The following CDAN1 variants were observed in gnomAD, a reference collection of about 807,000 sequenced individuals.
CDAN1 encodes codanin 1, also known as codanin-1.
Under a neutral mutation model 139.8 loss-of-function variants are expected in CDAN1, and 107 were observed. The ratio of observed to expected loss-of-function variants is 0.77; its 90% CI spans 0.65 to 0.90. The LOEUF (loss-of-function observed/expected upper bound fraction) is 0.90. Ranked by LOEUF, CDAN1 falls within the 40% of genes least tolerant of loss-of-function variation. CDAN1 has a pLI of 0.00. For synonymous variants in CDAN1, 776 were observed against 660.6 expected, an observed-to-expected ratio of 1.17 and a Z score of -2.68; for missense variants, 1,667 against 1,575.7, an observed-to-expected ratio of 1.06 and a Z score of -0.98.
Position 42,726,436 on chromosome 15 carries a change from G to T in CDAN1, c.3097-19C>A. 2 of 1,550,638 alleles carry T rather than the reference G, an allele frequency of 1.3e-6. No homozygotes were observed. Among genetic ancestry groups the T allele is most frequent in the Non-Finnish European group, 1.8e-6 (2 of 1,138,572 alleles). On this transcript the variant is annotated intron_variant, in intron 23 of 27. Coordinates refer to ENST00000356231, the MANE Select transcript of CDAN1 (RefSeq NM_138477.4). ...GCACGTCCTGTGAAGAGCAGGGGGAGATATCACCTTGCGCTGGGGGCCAGG... is the reference window on the plus strand; with the variant it reads ...GCACGTCCTGTGAAGAGCAGGGGGATATATCACCTTGCGCTGGGGGCCAGG...
intron 8 of CDAN1, among the ~76,000 whole-genome samples, 185 bp downstream of exon 8, chr15:42,733,753 C>T (rs1477253321): frequency 1.3e-5 from 2 of 152,188 alleles, no homozygotes; most frequent in East Asian, 1.9e-4. Flanking sequence ...TGCTAAGCGC[C>T]GGGGTTCACA....
intron 13 of CDAN1, 26 bp from the exon 14 acceptor site, chr15:42,730,790 G>A (rs1226706999): frequency 6.2e-7 from 1 of 1,612,576 alleles, no homozygotes; most frequent in Non-Finnish European, 8.5e-7. Flanking sequence ...CTCAGTCAGG[G>A]GGCAGGTCCC....
At position 42,725,197 on chromosome 15, in the gene CDAN1, G is replaced by T; in HGVS notation, c.3505C>A (p.Arg1169=). ...RELVEKGLMG[R]MEIEACLGSL... is the part of the protein sequence containing the mutation. The stretch of plus-strand genomic sequence containing the variant: ...CCCAGGCAGGCCTCTATCTCCATCC[G>T]TCCCATCAGACCCTTCTCCACCAGC... The change falls in exon 27 of 28, where the codon CGG becomes AGG. Residue 1169 remains arginine, a synonymous_variant. Transcript: ENST00000356231. The T allele has an allele frequency of 6.2e-7, 1 of 1,614,168 alleles. No individual in the cohort carries two copies. The highest frequency in any genetic ancestry group is 8.5e-7 in the Non-Finnish European group (1 of 1,180,040).
chr15:42,731,196 G>T lies in CDAN1; in HGVS notation c.1860+15C>A. The stretch of plus-strand genomic sequence containing the variant: ...TGGGTCAGACCCCATTATTTCCCTT[G>T]TTCTGTTTTCGGACCTGCCAGTCTA... On this transcript the variant is annotated intron_variant, in intron 12 of 27. Transcript: ENST00000356231. 1 of 1,614,126 alleles carries T rather than the reference G, an allele frequency of 6.2e-7. No homozygotes were observed. Among genetic ancestry groups the T allele is most frequent in the South Asian group, 1.1e-5 (1 of 91,088 alleles).
Position 42,726,135 on chromosome 15 carries a change from T to C in CDAN1, c.3230A>G (p.His1077Arg), listed in dbSNP as rs1370611246. ...RQFLCPPAEQ[H>R]LAKCSVELAS... The stretch of plus-strand genomic sequence containing the variant: ...TAACTCCACAGAGCACTTTGCCAGA[T>C]GCTGCTCAGCAGGTGGGCACAGGAA... The change falls in exon 25 of 28, where the codon CAT becomes CGT. Residue 1077 changes from histidine (H) to arginine (R), a missense_variant. His to Arg is a conservative substitution (Grantham distance 29). This residue lies in a region of CDAN1 where 936 missense variants were observed against 844.1 expected (regional missense o/e 1.11). Coordinates refer to ENST00000356231, the MANE Select transcript of CDAN1 (RefSeq NM_138477.4). 2.5e-6 allele frequency: 4 copies of C among 1,614,060 alleles called. No individual in the cohort carries two copies. The highest frequency in any genetic ancestry group is 2.7e-5 in the African/African-American group (2 of 74,994).
intron 25 of CDAN1, 57 bp from the exon 26 acceptor site, chr15:42,725,727 T>C: frequency 6.4e-7 from 1 of 1,565,266 alleles, no homozygotes; most frequent in Non-Finnish European, 8.8e-7. Context: ...GTGCGGTGAC[T>C]CACACCTATA....
At position 42,727,899 on chromosome 15, in the gene CDAN1, C is replaced by G. The variant is rs948078215; in HGVS notation, c.2947+56G>C. 2.9e-5 allele frequency: 46 copies of G among 1,602,278 alleles called. 1 individual carries two copies. In the South Asian group the frequency reaches 5.0e-4, roughly 17 times the overall value. ...TCGCCCACAAGATGCCTCTGACTCTCTGCCAGTCCACTTTTTAAACACTTG... is the reference window on the plus strand; with the variant it reads ...TCGCCCACAAGATGCCTCTGACTCTGTGCCAGTCCACTTTTTAAACACTTG... On this transcript the variant is annotated intron_variant, in intron 22 of 27. Coordinates refer to ENST00000356231, the MANE Select transcript of CDAN1 (RefSeq NM_138477.4).
chr15:42,727,353 T>C (rs1327105426), intron 23 of CDAN1: 1 of 416,416 alleles, frequency 2.4e-6, no homozygotes, highest in Non-Finnish European at 4.3e-6. Context: ...CTCATCACCA[T>C]CTGCATAATA....
chr15:42,725,100 T>C, intron 27 of CDAN1, 44 bp downstream of exon 27: 1 of 1,495,318 alleles, frequency 6.7e-7, no homozygotes, highest in Non-Finnish European at 9.3e-7. Context: ...ATGGGATATG[T>C]AACACCTGTT....
chr15:42,736,032 G>A lies in CDAN1; in HGVS notation c.616C>T (p.Arg206Trp), dbSNP rs985588647. 3.1e-6 allele frequency: 5 copies of A among 1,614,152 alleles called. No individual in the cohort carries two copies. Among genetic ancestry groups the A allele is most frequent in the Non-Finnish European group, 4.2e-6 (5 of 1,180,022 alleles). Reference protein sequence around the residue: ...RINPTPVSEERSLSKPKTCFT... With the variant: ...RINPTPVSEEWSLSKPKTCFT... ...CAGGTCTTGGGCTTGGAGAGTGACCGCTCTTCGCTCACCGGAGTTGGGTTG... is the reference window on the plus strand; with the variant it reads ...CAGGTCTTGGGCTTGGAGAGTGACCACTCTTCGCTCACCGGAGTTGGGTTG... Residue 206 changes from arginine to tryptophan, a missense_variant, in exon 3 of 28, where the codon CGG becomes TGG. By Grantham distance (101) the Arg-to-Trp change is moderately radical. Transcript: ENST00000356231.
intron 8 of CDAN1, among the ~76,000 whole-genome samples, 179 bp from the exon 9 acceptor site, chr15:42,733,365 C>T (rs1468918899): frequency 1.3e-5 from 2 of 152,098 alleles, no homozygotes; most frequent in Non-Finnish European, 2.9e-5. Context: ...ACCTCCGCCC[C>T]GCCTGGGTTC....
At chr15:42,731,392 G>T in intron 11 of CDAN1, 61 bp from the exon 12 acceptor site, 1 of 1,607,034 alleles carries the variant, frequency 6.2e-7, no homozygotes, top group Non-Finnish European at 8.5e-7. Context: ...AGCCAGAATC[G>T]AGAAGGGGCA....
At chr15:42,733,000 G>A (rs558854445) in intron 9 of CDAN1, 97 bp downstream of exon 9, 5 of 924,748 alleles carry the variant, frequency 5.4e-6, no homozygotes, top group East Asian at 4.9e-5. Context: ...TGGCTGGTAG[G>A]AGCGGGGAAA....
Position 42,736,354 on chromosome 15 carries a change from T to C in CDAN1, c.517A>G (p.Ser173Gly), listed in dbSNP as rs1448838337. 3.7e-6 allele frequency: 6 copies of C among 1,613,828 alleles called. No individual in the cohort carries two copies. Among genetic ancestry groups the C allele is most frequent in the Non-Finnish European group, 5.1e-6 (6 of 1,179,936 alleles). ...SLTLSDPPNL[S>G]NLEEFPPVGS... is the part of the protein sequence containing the mutation. ...ACGGGAGGGAACTCCTCCAGGTTGCTGAGGTTTGGCGGATCAGACAGCGTG... is the reference window on the plus strand; with the variant it reads ...ACGGGAGGGAACTCCTCCAGGTTGCCGAGGTTTGGCGGATCAGACAGCGTG... Residue 173 changes from serine to glycine, a missense_variant, in exon 2 of 28, where the codon AGC (serine) becomes GGC (glycine). This residue lies in a region of CDAN1 where 487 missense variants were observed against 422.2 expected (regional missense o/e 1.15). Coordinates refer to ENST00000356231, the MANE Select transcript of CDAN1 (RefSeq NM_138477.4).
rs879890995 is a variant in CDAN1, at chr15:42,731,270, GA to G, written c.1800del (p.Ala602ProfsTer16). ...TTGGGCTCATGCTGGGGCAGGGCAA[GA>G]CCATTGAGCTCCTGGATCTTCAAGC... is the stretch of plus-strand genomic sequence containing the variant. The part of the protein sequence containing the change: ...SLSLKIQELN[G>X]LALPQHEPND... On this transcript the variant is annotated frameshift_variant, in exon 12 of 28. Transcript: ENST00000356231. LOFTEE classifies it high-confidence loss of function. 1 of 1,614,188 alleles carries G rather than the reference GA, an allele frequency of 6.2e-7. No individual in the cohort carries two copies. Among genetic ancestry groups the G allele is most frequent in the Non-Finnish European group, 8.5e-7 (1 of 1,180,032 alleles).
intron 14 of CDAN1, 56 bp downstream of exon 14, chr15:42,730,542 G>C (rs1377891459): frequency 2.1e-5 from 34 of 1,593,592 alleles, no homozygotes; most frequent in Non-Finnish European, 2.7e-5. Context: ...TAGCAGGCTT[G>C]ACCAATGTCC....
chr15:42,727,955 C>T lies in CDAN1; in HGVS notation c.2947G>A (p.Ala983Thr). 6.2e-7 allele frequency: 1 copy of T among 1,613,948 alleles called. No individual in the cohort carries two copies. Among genetic ancestry groups the T allele is most frequent in the East Asian group, 2.2e-5 (1 of 44,882 alleles). ...GCCACTCCCCCATCCAGGACCTTAC[C>T]TGTGATGTTGGCTGACAGCCAAGCA... ...ACAWLSANIT[A>T]LIRREVKAAV... The change falls in exon 22 of 28, where the codon GCA becomes ACA. Residue 983 changes from alanine to threonine, a missense_variant and splice_region_variant. Physicochemically the swap from Ala to Thr is moderately conservative, Grantham distance 58. This residue lies in a region of CDAN1 where 936 missense variants were observed against 844.1 expected (regional missense o/e 1.11). Coordinates refer to ENST00000356231, the MANE Select transcript of CDAN1 (RefSeq NM_138477.4).
chr15:42,725,859 T>C (rs1163483096), intron 25 of CDAN1, among the ~76,000 whole-genome samples, 189 bp from the exon 26 acceptor site: 1 of 151,434 alleles, frequency 6.6e-6, no homozygotes, highest in Non-Finnish European at 1.5e-5. Context: ...GGAAGGCACC[T>C]GTAGTCCCAG....
chr15:42,729,749 C>T, intron 16 of CDAN1, 47 bp downstream of exon 16: 1 of 1,601,232 alleles, frequency 6.2e-7, no homozygotes, highest in Non-Finnish European at 8.5e-7. Context: ...AGCCCACTTC[C>T]TTTATTCCTG....
Sources: gnomAD v4.1 joint callset for allele counts (sites outside exome capture counted in the v4.1 genomes callset) on GRCh38, gnomAD v4.1.1 for gene constraint, gnomAD v4.1.1 regional missense constraint, MANE v1.5 for transcripts, NCBI Gene and HGNC (gene_info 2026-07-23, HGNC 2026-07-21) for gene names.